Variants in NKAP observed in about 807,000 individuals in gnomAD.
NKAP encodes NF-kappa-B-activating protein.
Under a neutral mutation model 35.6 loss-of-function variants are expected in NKAP, and 4 were observed. That is an observed-to-expected ratio of 0.11 (90% confidence interval 0.06 to 0.26). The LOEUF (loss-of-function observed/expected upper bound fraction) is 0.26. NKAP is among the 10% of genes least tolerant of loss of function. The pLI is 1.00. For synonymous variants in NKAP, 106 were observed against 119.2 expected (o/e 0.89, Z 0.72); for missense variants, 238 against 321.9 (o/e 0.74, Z 1.99).
At chrX:119,934,663 A>G in intron 4 of NKAP, 106 bp from the exon 5 acceptor site, 1 of 496,374 alleles carries the variant, frequency 2.0e-6, no homozygotes, top group Non-Finnish European at 3.2e-6. Flanking sequence ...TATTGTTACA[A>G]AGAAATTACC....
At chrX:119,930,303 G>T in intron 7 of NKAP, 138 bp from the exon 8 acceptor site, 1 of 557,424 alleles carries the variant, frequency 1.8e-6, no homozygotes, top group Non-Finnish European at 2.7e-6. Context: ...GCAGTAGTGT[G>T]CTAGGAAGCT....
At chrX:119,939,570 G>A (rs899360218) in intron 1 of NKAP, among the ~76,000 whole-genome samples, 1 of 111,076 alleles carries the variant, frequency 9.0e-6, no homozygotes, top group Non-Finnish European at 1.9e-5. Context: ...CACTGCACCG[G>A]GCCCGAAATA....
Position 119,921,876 on chromosome X carries a change from C to T in NKAP, c.*3344G>A, listed in dbSNP as rs185219203. 8.9e-6 allele frequency: 1 copy of T among 111,772 alleles called. No individual in the cohort carries two copies. Among genetic ancestry groups the T allele is most frequent in the Admixed American group, 9.6e-5 (1 of 10,406 alleles). 9.2% of individuals were successfully genotyped at this position (111,772 alleles called of 1,213,427 possible). A position where few individuals can be genotyped will look rare whatever the true frequency, so the allele number is the denominator to read the frequency against. On this transcript the variant is annotated 3_prime_UTR_variant, in exon 9 of 9. Coordinates refer to ENST00000371410, the MANE Select transcript of NKAP (RefSeq NM_024528.4). The stretch of plus-strand genomic sequence containing the variant: ...GTTTATTTAGAGACGGAGTCTCATT[C>T]TGTCTCCCAGGCCGGAGTGCAGTGG...
intron 7 of NKAP, among the ~76,000 whole-genome samples, chrX:119,931,513 GA>G (rs1256390534): frequency 9.4e-6 from 1 of 106,296 alleles, no homozygotes; most frequent in Non-Finnish European, 1.9e-5. Context: ...CTCACAAAAA[GA>G]AAAAAAAATT....
chrX:119,931,904 A>C, intron 7 of NKAP, 32 bp downstream of exon 7: 1 of 1,081,982 alleles, frequency 9.2e-7, no homozygotes, highest in Non-Finnish European at 1.3e-6. Flanking sequence ...TTTGGTAGGT[A>C]CTTTAGATAT....
chrX:119,941,316 C>G (rs2028034), intron 1 of NKAP, among the ~76,000 whole-genome samples: 15,176 of 110,807 alleles, frequency 0.14, 1,416 homozygotes, highest in African/African-American at 0.34. Context: ...GGTCTCCAAC[C>G]TAACTCAGGA....
Position 119,925,020 on chromosome X carries a change from G to T in NKAP, c.*200C>A. ...GATTTTTAAACCAGAAAGTTACTAT[G>T]GTCAATCCAAAATAACCCAAAGAAC... is the stretch of plus-strand genomic sequence containing the variant. On this transcript the variant is annotated 3_prime_UTR_variant, in exon 9 of 9. Coordinates refer to ENST00000371410, the MANE Select transcript of NKAP (RefSeq NM_024528.4). 1 of 448,218 alleles carries T rather than the reference G, an allele frequency of 2.2e-6. No individual in the cohort carries two copies. The highest frequency in any genetic ancestry group is 3.7e-6 in the Non-Finnish European group (1 of 271,725). The allele number at this position is 448,218 out of a possible 1,213,427, so 36.9% of individuals were successfully genotyped here.
intron 1 of NKAP, among the ~76,000 whole-genome samples, chrX:119,939,601 A>G (rs2056782759): frequency 9.1e-6 from 1 of 110,038 alleles, no homozygotes; most frequent in Admixed American, 9.6e-5. Flanking sequence ...ATTTTTTTGT[A>G]GAGATGAGGT....
rs761917000 is a variant in NKAP, at chrX:119,936,837, A to G, written c.468-155T>C. The G allele has an allele frequency of 6.8e-6, 3 of 439,436 alleles. No homozygotes were observed. In the Admixed American group the frequency reaches 1.4e-4, roughly 20 times the overall value. The allele number at this position is 439,436 out of a possible 1,213,427, so 36.2% of individuals were successfully genotyped here. A position where few individuals can be genotyped will look rare whatever the true frequency, so the allele number is the denominator to read the frequency against. ...GGAGATCCTAAGGCAGAACTTGGGA[A>G]TCAAAAAAACCAAAACAACAACAAA... On this transcript the variant is annotated intron_variant, in intron 2 of 8. Transcript: ENST00000371410.
chrX:119,938,852 T>G (rs1300819351), intron 1 of NKAP, 42 bp from the exon 2 acceptor site: 2 of 970,105 alleles, frequency 2.1e-6, no homozygotes, highest in Non-Finnish European at 2.9e-6. Context: ...AATGGCTGAG[T>G]TGTTTCCTAA....
chrX:119,934,035 A>G, intron 5 of NKAP, among the ~76,000 whole-genome samples: 1 of 112,208 alleles, frequency 8.9e-6, no homozygotes, highest in Admixed American at 9.5e-5. Context: ...TGGGTCCAAA[A>G]TAAATGATGG....
chrX:119,934,471 A>G (rs369697543), intron 5 of NKAP, 23 bp downstream of exon 5: 4 of 783,983 alleles, frequency 5.1e-6, no homozygotes, highest in African/African-American at 4.9e-5. Context: ...GAAATTTTCC[A>G]TAATAAAACT....
chrX:119,928,853 G>A (rs890487002), intron 8 of NKAP, among the ~76,000 whole-genome samples: 7 of 110,900 alleles, frequency 6.3e-5, no homozygotes, highest in African/African-American at 2.3e-4. Context: ...GAGCCACCAC[G>A]CCTGGCTAAA....
intron 8 of NKAP, among the ~76,000 whole-genome samples, chrX:119,926,856 T>G (rs2056716895): frequency 9.8e-6 from 1 of 102,333 alleles, no homozygotes; most frequent in East Asian, 3.3e-4. Flanking sequence ...AGGTCAGGAG[T>G]TTAAGACCAG....
At chrX:119,939,987 G>A (rs1424977819) in intron 1 of NKAP, among the ~76,000 whole-genome samples, 19 of 108,183 alleles carry the variant, frequency 1.8e-4, no homozygotes, top group Admixed American at 1.7e-3. Context: ...CTCCCAAAGC[G>A]TTGGGATCAC....
In NKAP at chrX:119,922,181, TTTA is replaced by T. The variant is rs2147841449; in HGVS notation, c.*3036_*3038del. ...TAAGTGGGTATTACAAAATTCAGGT[TTTA>T]TTATTCAGGGAAGTAGATGGATTGA... is the stretch of plus-strand genomic sequence containing the variant. On this transcript the variant is annotated 3_prime_UTR_variant, in exon 9 of 9. Coordinates refer to ENST00000371410, the MANE Select transcript of NKAP (RefSeq NM_024528.4). 1 of 111,663 alleles carries T rather than the reference TTTA, an allele frequency of 9.0e-6. No homozygotes were observed. The highest frequency in any genetic ancestry group is 9.6e-5 in the Admixed American group (1 of 10,450). The allele number at this position is 111,663 out of a possible 1,213,427, so 9.2% of individuals were successfully genotyped here. A position where few individuals can be genotyped will look rare whatever the true frequency, so the allele number is the denominator to read the frequency against.
Position 119,943,645 on chromosome X carries a change from G to A in NKAP, c.-40C>T, listed in dbSNP as rs1259819247. ...CCCAGCAGCCGTGGGACAAGGGGGCGCTCTCGCGAGCCTAGGAAGATGTCT... is the reference window on the plus strand; with the variant it reads ...CCCAGCAGCCGTGGGACAAGGGGGCACTCTCGCGAGCCTAGGAAGATGTCT... On this transcript the variant is annotated 5_prime_UTR_variant, in exon 1 of 9. Coordinates refer to ENST00000371410, the MANE Select transcript of NKAP (RefSeq NM_024528.4). 8.8e-7 allele frequency: 1 copy of A among 1,132,211 alleles called. No homozygotes were observed. The highest frequency in any genetic ancestry group is 1.8e-5 in the African/African-American group (1 of 54,786). The allele number at this position is 1,132,211 out of a possible 1,213,427, so 93.3% of individuals were successfully genotyped here.
In NKAP at chrX:119,936,422, T is replaced by C; in HGVS notation, c.548A>G (p.Lys183Arg). Residue 183 changes from lysine (K) to arginine (R), a missense_variant, in exon 4 of 9, where the codon AAG (lysine) becomes AGG (arginine). By Grantham distance (26) the Lys-to-Arg change is conservative. Around this residue, in one of 5 missense-constraint regions of NKAP, gnomAD observed 89 missense variants for 91.7 expected, o/e 0.97. Transcript: ENST00000371410. Reference sequence around the variant, plus strand: ...TTCTTTTGAACGGCTAGACTTCTTCTTTTTTTCTTCTAAGAAAGTACAAAT... The same window carrying C: ...TTCTTTTGAACGGCTAGACTTCTTCCTTTTTTCTTCTAAGAAAGTACAAAT... ...TSASTSEEEK[K>R]KKSSRSKERS... The C allele has an allele frequency of 1.7e-6, 2 of 1,146,703 alleles. No homozygotes were observed. The highest frequency in any genetic ancestry group is 2.3e-6 in the Non-Finnish European group (2 of 858,395). The allele number at this position is 1,146,703 out of a possible 1,213,427, so 94.5% of individuals were successfully genotyped here.
intron 4 of NKAP, among the ~76,000 whole-genome samples, chrX:119,935,264 A>G (rs752996735): frequency 2.0e-4 from 22 of 111,801 alleles, no homozygotes; most frequent in African/African-American, 5.8e-4. Context: ...AAAGTAATGC[A>G]TGCCCATTGG....
Sources: allele counts gnomAD v4.1 joint callset (sites outside exome capture counted in the v4.1 genomes callset), GRCh38; gene constraint gnomAD v4.1.1; regional missense constraint gnomAD v4.1.1; transcripts MANE v1.5; gene names NCBI Gene and HGNC (gene_info 2026-07-23, HGNC 2026-07-21).